The following STARD3NL variants were observed in gnomAD, a reference collection of about 807,000 sequenced individuals.
STARD3NL encodes the protein STARD3 N-terminal-like protein.
STARD3NL carries 17 observed loss-of-function variants against 30.9 expected under a neutral mutation model. The ratio of observed to expected loss-of-function variants is 0.55; its 90% CI spans 0.38 to 0.82. STARD3NL has a LOEUF of 0.82. Ranked by LOEUF, STARD3NL falls within the 40% of genes least tolerant of loss-of-function variation. The pLI is 0.00. For synonymous variants in STARD3NL, 112 were observed against 100.5 expected (o/e 1.11, Z -0.69); for missense variants, 234 against 277.6 (o/e 0.84, Z 1.12).
intron 1 of STARD3NL, among the ~76,000 whole-genome samples, chr7:38,191,500 T>G (rs1784685390): frequency 6.6e-6 from 1 of 152,250 alleles, no homozygotes; most frequent in African/African-American, 2.4e-5. Flanking sequence ...TACACATTCT[T>G]CTAAAGCTTT....
chr7:38,187,088 G>C (rs1222501900), intron 1 of STARD3NL, among the ~76,000 whole-genome samples: 1 of 151,998 alleles, frequency 6.6e-6, no homozygotes, highest in African/African-American at 2.4e-5. Context: ...TCTTGAGAGA[G>C]ACTTGCGTTG....
chr7:38,184,405 A>G (rs1376067456), intron 1 of STARD3NL, among the ~76,000 whole-genome samples: 3 of 151,980 alleles, frequency 2.0e-5, no homozygotes, highest in Non-Finnish European at 4.4e-5. Flanking sequence ...TGCAGGCTGT[A>G]CAGGAAGCAT....
intron 7 of STARD3NL, among the ~76,000 whole-genome samples, chr7:38,228,295 CG>C (rs1454241296): frequency 1.3e-5 from 2 of 152,142 alleles, no homozygotes; most frequent in African/African-American, 4.8e-5. Flanking sequence ...AATTCCAGAG[CG>C]GAATGACCAG....
At chr7:38,210,895 C>T (rs1018035149) in intron 2 of STARD3NL, among the ~76,000 whole-genome samples, 2 of 152,160 alleles carry the variant, frequency 1.3e-5, no homozygotes, top group Non-Finnish European at 2.9e-5. Context: ...TTAGAGCTGT[C>T]GTGACCAGGT....
intron 1 of STARD3NL, among the ~76,000 whole-genome samples, chr7:38,206,721 G>A (rs747946237): frequency 2.4e-4 from 36 of 152,044 alleles, no homozygotes; most frequent in Non-Finnish European, 4.1e-4. Flanking sequence ...AGTTTATAAG[G>A]TACTTTTGAT....
intron 1 of STARD3NL, among the ~76,000 whole-genome samples, chr7:38,201,462 T>A (rs745921359): frequency 1.3e-5 from 2 of 152,090 alleles, no homozygotes; most frequent in African/African-American, 4.8e-5. Context: ...ACTAAGAAAA[T>A]GATTTAATTT....
intron 1 of STARD3NL, among the ~76,000 whole-genome samples, chr7:38,203,073 A>G (rs927564803): frequency 6.6e-6 from 1 of 152,216 alleles, no homozygotes; most frequent in Non-Finnish European, 1.5e-5. Flanking sequence ...GATATTATCC[A>G]GGAGAACTTC....
chr7:38,180,490 C>G (rs1784203156), intron 1 of STARD3NL, among the ~76,000 whole-genome samples: 1 of 152,228 alleles, frequency 6.6e-6, no homozygotes. Flanking sequence ...GCTTGTATTA[C>G]TGACCAGGAA....
intron 2 of STARD3NL, among the ~76,000 whole-genome samples, chr7:38,212,542 C>T (rs762025543): frequency 6.6e-6 from 1 of 152,158 alleles, no homozygotes; most frequent in Non-Finnish European, 1.5e-5. Context: ...ATTTTGTTTA[C>T]TGAAGTATTT....
chr7:38,213,832 A>G (rs968007188), intron 2 of STARD3NL, among the ~76,000 whole-genome samples: 1 of 152,206 alleles, frequency 6.6e-6, no homozygotes, highest in Non-Finnish European at 1.5e-5. Context: ...TTAAATTGAT[A>G]AAAGTGCAGA....
At chr7:38,209,042 A>G (rs74643510) in intron 2 of STARD3NL, among the ~76,000 whole-genome samples, 7,638 of 152,270 alleles carry the variant, frequency 0.05, 277 homozygotes, top group Non-Finnish European at 0.069. Flanking sequence ...GACATGGAAC[A>G]TGAGTCCACT....
chr7:38,199,675 T>C (rs2159501), intron 1 of STARD3NL, among the ~76,000 whole-genome samples: 64,557 of 152,018 alleles, frequency 0.42, 14,062 homozygotes, highest in East Asian at 0.5. Context: ...GAACTCACCC[T>C]GTACTTCAGC....
chr7:38,199,858 T>C (rs1237036066), intron 1 of STARD3NL, among the ~76,000 whole-genome samples: 5 of 152,242 alleles, frequency 3.3e-5, no homozygotes, highest in Non-Finnish European at 7.3e-5. Flanking sequence ...TATTGGTGCA[T>C]ATGCACACCA....
rs539155836 is a variant in STARD3NL at position 38,199,893 on chromosome 7, G to T, written c.-58-7554G>T. 2.0e-5 allele frequency among the ~76,000 whole-genome samples: 3 copies of T among 152,334 alleles called. No homozygotes were observed. In the South Asian group the frequency reaches 6.2e-4, roughly 32 times the overall value. ...AAAAATTTATAACTTGATTGTGTATGAAAATTCCATGACACTTTTTCTGCA... is the reference window on the plus strand; with the variant it reads ...AAAAATTTATAACTTGATTGTGTATTAAAATTCCATGACACTTTTTCTGCA... On this transcript the variant is annotated intron_variant, in intron 1 of 8. Coordinates refer to ENST00000009041, the MANE Select transcript of STARD3NL (RefSeq NM_032016.4).
intron 2 of STARD3NL, among the ~76,000 whole-genome samples, chr7:38,210,356 CA>C (rs1785726870): frequency 6.6e-6 from 1 of 152,118 alleles, no homozygotes; most frequent in African/African-American, 2.4e-5. Context: ...TATGGAGAAC[CA>C]GCTGTTCTTT....
intron 7 of STARD3NL, among the ~76,000 whole-genome samples, chr7:38,225,893 A>C (rs1786731582): frequency 1.3e-5 from 2 of 152,104 alleles, no homozygotes. Context: ...TATATATCCT[A>C]ATCTGTGTTT....
Position 38,209,015 on chromosome 7 carries a change from T to TG in STARD3NL, c.225+1287dup, listed in dbSNP as rs1336267914. ...GACAGTTACATTAGAAAATAATATT[T>TG]GTCCCATAATCACAGTGACATGGAA... On this transcript the variant is annotated intron_variant, in intron 2 of 8. Transcript: ENST00000009041. Among the ~76,000 whole-genome samples, 3 of 152,160 alleles carry TG rather than the reference T, an allele frequency of 2.0e-5. No homozygotes were observed. The East Asian group carries it at 5.8e-4, about 29-fold the overall frequency.
At chr7:38,197,182 TTC>T (rs1432820161) in intron 1 of STARD3NL, among the ~76,000 whole-genome samples, 2 of 148,902 alleles carry the variant, frequency 1.3e-5, no homozygotes, top group South Asian at 2.1e-4. Flanking sequence ...CTTTCTTTCT[TTC>T]TTTCTTTCTT....
At chr7:38,215,609 CCT>C (rs1469867833) in intron 4 of STARD3NL, 1 of 154,044 alleles carries the variant, frequency 6.5e-6, no homozygotes, top group African/African-American at 2.4e-5. Context: ...CTTTTTTACT[CCT>C]CTGTTTCCTG....
Sources: allele counts gnomAD v4.1 joint callset (sites outside exome capture counted in the v4.1 genomes callset), GRCh38; gene constraint gnomAD v4.1.1; transcripts MANE v1.5; gene names NCBI Gene and HGNC (gene_info 2026-07-23, HGNC 2026-07-21).